The following PIAS2 variants were observed in gnomAD, a reference collection of about 807,000 sequenced individuals.
The protein encoded by PIAS2 is E3 SUMO-protein ligase PIAS2.
A neutral mutation model predicts 69.7 loss-of-function variants in PIAS2; 19 were observed. The observed-to-expected ratio is 0.27, with a 90% CI of 0.19 to 0.40. PIAS2 has a LOEUF of 0.40. Among genes scored for constraint, PIAS2 ranks in the 10% least tolerant of loss-of-function variants. The pLI is 1.00. For synonymous variants in PIAS2, 261 were observed against 263.2 expected, an observed-to-expected ratio of 0.99 and a Z score of 0.08; for missense variants, 624 against 757.0, an observed-to-expected ratio of 0.82 and a Z score of 2.06.
chr18:46,914,125 T>C (rs553032321), intron 1 of PIAS2, among the ~76,000 whole-genome samples: 5 of 152,348 alleles, frequency 3.3e-5, no homozygotes, highest in African/African-American at 1.2e-4. Flanking sequence ...ATGCCATAAA[T>C]AAGCAACTGG....
chr18:46,883,358 T>C (rs1193370175), intron 2 of PIAS2, among the ~76,000 whole-genome samples: 1 of 152,160 alleles, frequency 6.6e-6, no homozygotes, highest in Non-Finnish European at 1.5e-5. Flanking sequence ...TCAACATTTA[T>C]GATGCATATA....
intron 1 of PIAS2, among the ~76,000 whole-genome samples, chr18:46,892,793 T>C (rs2054261346): frequency 6.6e-6 from 1 of 152,022 alleles, no homozygotes; most frequent in African/African-American, 2.4e-5. Flanking sequence ...ATAATAATGA[T>C]AATTTACATT....
chr18:46,816,661 T>C (rs2041583480), intron 12 of PIAS2: 1 of 264,330 alleles, frequency 3.8e-6, no homozygotes, highest in African/African-American at 2.3e-5. Context: ...AGAGAGAGGG[T>C]CTCGCTATGT....
intron 1 of PIAS2, among the ~76,000 whole-genome samples, chr18:46,916,104 G>A (rs868292567): frequency 2.6e-5 from 4 of 152,178 alleles, no homozygotes; most frequent in Middle Eastern, 3.4e-3. Context: ...GTGTTTACTG[G>A]GAACTTAATA....
chr18:46,901,362 T>A (rs989859112), intron 1 of PIAS2: 1 of 230,018 alleles, frequency 4.3e-6, no homozygotes, highest in Admixed American at 5.5e-5. Flanking sequence ...TGAGCCAGGA[T>A]CATGCCATTG....
intron 11 of PIAS2, among the ~76,000 whole-genome samples, chr18:46,823,334 C>T (rs1300037375): frequency 1.3e-5 from 2 of 151,818 alleles, no homozygotes; most frequent in African/African-American, 4.8e-5. Context: ...TGTCTTTTTC[C>T]CACTCCCCCT....
intron 5 of PIAS2, among the ~76,000 whole-genome samples, chr18:46,848,117 A>G (rs1354900438): frequency 6.6e-6 from 1 of 152,168 alleles, no homozygotes; most frequent in African/African-American, 2.4e-5. Flanking sequence ...TAATGCATAC[A>G]TTTTTCCACA....
chr18:46,882,412 C>G (rs2052420984), intron 2 of PIAS2, among the ~76,000 whole-genome samples: 1 of 152,106 alleles, frequency 6.6e-6, no homozygotes, highest in African/African-American at 2.4e-5. Flanking sequence ...TCCACACACA[C>G]AAATGGACTA....
At chr18:46,885,211 T>TTC (rs2052956181) in intron 2 of PIAS2, among the ~76,000 whole-genome samples, 1 of 152,140 alleles carries the variant, frequency 6.6e-6, no homozygotes, top group Non-Finnish European at 1.5e-5. Context: ...CTAATGTATC[T>TTC]TCTTAAATAG....
intron 13 of PIAS2, among the ~76,000 whole-genome samples, chr18:46,814,934 T>G (rs1381130904): frequency 6.6e-6 from 1 of 152,232 alleles, no homozygotes; most frequent in Non-Finnish European, 1.5e-5. Context: ...CAAGTCTGTC[T>G]AATCAGGTTT....
At chr18:46,837,551 A>T (rs1310198848) in intron 8 of PIAS2, among the ~76,000 whole-genome samples, 1 of 152,212 alleles carries the variant, frequency 6.6e-6, no homozygotes, top group Non-Finnish European at 1.5e-5. Context: ...GGCACTCTTT[A>T]TATAAGAAAT....
intron 2 of PIAS2, among the ~76,000 whole-genome samples, chr18:46,869,693 A>G (rs2050034140): frequency 6.6e-6 from 1 of 152,204 alleles, no homozygotes; most frequent in South Asian, 2.1e-4. Context: ...AGGACTAAAC[A>G]TAATAAAAAA....
upstream of PIAS2, among the ~76,000 whole-genome samples, chr18:46,919,541 C>G (rs879636373): frequency 5.6e-4 from 85 of 151,684 alleles, no homozygotes; most frequent in Admixed American, 1.1e-3. Context: ...CCCAGCTACT[C>G]GTGAGGCTGA....
At position 46,886,843 on chromosome 18, in the gene PIAS2, T is replaced by A. The variant is rs546629765; in HGVS notation, c.499+3737A>T. 2.7e-3 allele frequency among the ~76,000 whole-genome samples: 392 copies of A among 145,774 alleles called. 1 individual carries two copies. Among genetic ancestry groups the A allele is most frequent in the African/African-American group, 9.9e-3 (360 of 36,416 alleles). On this transcript the variant is annotated intron_variant, in intron 2 of 13. Coordinates refer to ENST00000585916, the MANE Select transcript of PIAS2 (RefSeq NM_004671.5). Reference sequence around the variant, plus strand: ...ACAGAACAAGACTCTGTCCCCCCCCTCCAAAAAAAAACAAATAAAATCGAA... The same window carrying A: ...ACAGAACAAGACTCTGTCCCCCCCCACCAAAAAAAAACAAATAAAATCGAA...
At chr18:46,906,670 T>C (rs1023210704) in intron 1 of PIAS2, among the ~76,000 whole-genome samples, 7 of 151,360 alleles carry the variant, frequency 4.6e-5, no homozygotes, top group African/African-American at 1.5e-4. Context: ...ATTACAATGA[T>C]TGTGGTTAAG....
At chr18:46,817,713 A>G (rs1249388275) in intron 12 of PIAS2, 1 of 944,180 alleles carries the variant, frequency 1.1e-6, no homozygotes, top group Non-Finnish European at 1.3e-6. Context: ...GTCTATATAA[A>G]ACCTGTTTAA....
intron 6 of PIAS2, 129 bp from the exon 7 acceptor site, chr18:46,844,968 A>G (rs1274017250): frequency 9.0e-6 from 4 of 443,300 alleles, no homozygotes; most frequent in Non-Finnish European, 1.6e-5. Context: ...GGAATGGTCA[A>G]TCACTGCGAA....
chr18:46,913,790 C>G (rs1234965971), intron 1 of PIAS2, among the ~76,000 whole-genome samples: 1 of 152,216 alleles, frequency 6.6e-6, no homozygotes, highest in African/African-American at 2.4e-5. Flanking sequence ...TCTCCTCCAT[C>G]CCTGTGCTTA....
chr18:46,851,172 A>G, intron 5 of PIAS2, among the ~76,000 whole-genome samples: 1 of 152,220 alleles, frequency 6.6e-6, no homozygotes, highest in East Asian at 1.9e-4. Context: ...ATCAGGGAAC[A>G]TAAATCCATG....
Sources: allele counts gnomAD v4.1 joint callset (sites outside exome capture counted in the v4.1 genomes callset), GRCh38; gene constraint gnomAD v4.1.1; transcripts MANE v1.5; gene names NCBI Gene and HGNC (gene_info 2026-07-23, HGNC 2026-07-21).